Variants in PTGER3 observed in about 807,000 individuals in gnomAD.
PTGER3 encodes prostaglandin E receptor 3.
Under a neutral mutation model 34.7 loss-of-function variants are expected in PTGER3, and 22 were observed. The observed-to-expected ratio is 0.63, with a 90% CI of 0.45 to 0.91. The LOEUF (loss-of-function observed/expected upper bound fraction) is 0.91, where lower values mean the gene tolerates loss of function less well. Ranked by LOEUF, PTGER3 falls within the 40% of genes least tolerant of loss-of-function variation. The pLI, the probability that PTGER3 is intolerant of heterozygous loss-of-function variation, is 0.00. For synonymous variants in PTGER3, 241 were observed against 230.1 expected (o/e 1.05, Z -0.43); for missense variants, 468 against 519.4 (o/e 0.90, Z 0.96).
chr1:70,946,990 G>GA (rs1238876638), intron 4 of PTGER3, among the ~76,000 whole-genome samples: 1 of 152,068 alleles, frequency 6.6e-6, no homozygotes, highest in Non-Finnish European at 1.5e-5. Flanking sequence ...CGGTACATTA[G>GA]AAAAGGAATA....
At chr1:70,964,557 T>G (rs997000691) in intron 2 of PTGER3, among the ~76,000 whole-genome samples, 2 of 152,136 alleles carry the variant, frequency 1.3e-5, no homozygotes, top group Admixed American at 1.3e-4. Context: ...TCTTGTGAGA[T>G]GTATTCACTA....
chr1:71,007,787 T>C (rs1657099780), intron 2 of PTGER3: 1 of 985,160 alleles, frequency 1.0e-6, no homozygotes, highest in Non-Finnish European at 1.2e-6. Context: ...CCTAGACGTT[T>C]GGCTTACTTT....
At chr1:71,011,828 A>G in intron 2 of PTGER3, 1 of 999,424 alleles carries the variant, frequency 1.0e-6, no homozygotes, top group Non-Finnish European at 1.2e-6. Flanking sequence ...GTCTTTGAAT[A>G]AAAACAAACT....
At chr1:70,987,303 G>A (rs1481734270) in intron 2 of PTGER3, among the ~76,000 whole-genome samples, 1 of 152,170 alleles carries the variant, frequency 6.6e-6, no homozygotes, top group South Asian at 2.1e-4. Context: ...AATTAAGTCT[G>A]ACAAAACGTA....
At chr1:70,923,748 A>G (rs759947758) in intron 4 of PTGER3, among the ~76,000 whole-genome samples, 10 of 152,210 alleles carry the variant, frequency 6.6e-5, no homozygotes, top group Non-Finnish European at 1.0e-4. Flanking sequence ...GTATACTCCT[A>G]TGAACAAAAT....
intron 4 of PTGER3, among the ~76,000 whole-genome samples, chr1:70,915,459 C>T (rs386430925): frequency 1.6e-4 from 24 of 151,916 alleles, no homozygotes; most frequent in South Asian, 4.2e-4. Flanking sequence ...AAAGAAGAGA[C>T]GAGGTTGCAA....
intron 2 of PTGER3, among the ~76,000 whole-genome samples, chr1:70,981,355 CTT>C (rs750114186): frequency 2.3e-5 from 2 of 88,614 alleles, no homozygotes; most frequent in Non-Finnish European, 4.5e-5. Context: ...TTCTTTCTTT[CTT>C]TCTTTCTTTC....
At chr1:71,030,494 A>G (rs561980820) in intron 1 of PTGER3, among the ~76,000 whole-genome samples, 7 of 152,348 alleles carry the variant, frequency 4.6e-5, no homozygotes, top group Non-Finnish European at 8.8e-5. Context: ...AGTTTAGTGA[A>G]AAGAATAATA....
intron 4 of PTGER3, among the ~76,000 whole-genome samples, chr1:70,870,715 C>T (rs1646144563): frequency 6.6e-6 from 1 of 152,186 alleles, no homozygotes; most frequent in Admixed American, 6.5e-5. Flanking sequence ...GTTCAAACTT[C>T]CACAGATTCC....
At chr1:71,045,069 A>C (rs1244073791) in intron 1 of PTGER3, among the ~76,000 whole-genome samples, 1 of 152,186 alleles carries the variant, frequency 6.6e-6, no homozygotes, top group Non-Finnish European at 1.5e-5. Context: ...AGCCATAGTG[A>C]TGACATCAGC....
intron 1 of PTGER3, among the ~76,000 whole-genome samples, chr1:71,040,418 A>G (rs962547865): frequency 3.9e-5 from 6 of 151,956 alleles, no homozygotes; most frequent in Non-Finnish European, 7.4e-5. Flanking sequence ...ACTGCCCAAC[A>G]TGGTGAAATC....
intron 4 of PTGER3, among the ~76,000 whole-genome samples, chr1:70,911,786 T>A (rs1450729002): frequency 6.6e-6 from 1 of 152,160 alleles, no homozygotes; most frequent in East Asian, 1.9e-4. Context: ...AAAATTTTAT[T>A]TGTTTGTTTT....
intron 4 of PTGER3, among the ~76,000 whole-genome samples, chr1:70,915,309 A>G (rs990139906): frequency 1.3e-5 from 2 of 152,004 alleles, no homozygotes; most frequent in South Asian, 4.1e-4. Flanking sequence ...AATGTGTTAA[A>G]TTATCTATGC....
At chr1:70,985,974 T>C (rs1332866671) in intron 2 of PTGER3, among the ~76,000 whole-genome samples, 2 of 152,090 alleles carry the variant, frequency 1.3e-5, no homozygotes, top group Admixed American at 6.6e-5. Context: ...CAGGATGAGA[T>C]AGGAGATCAG....
At chr1:71,037,101 G>A (rs113561103) in intron 1 of PTGER3, among the ~76,000 whole-genome samples, 8 of 152,126 alleles carry the variant, frequency 5.3e-5, no homozygotes, top group African/African-American at 1.2e-4. Context: ...GGGGCCAAGC[G>A]TGTTCCATTA....
At chr1:70,971,883 T>G (rs1653122358) in intron 3 of PTGER3, 150 bp from the exon 4 acceptor site, 1 of 532,956 alleles carries the variant, frequency 1.9e-6, no homozygotes, top group Non-Finnish European at 3.2e-6. Flanking sequence ...TTACATGTGT[T>G]TTAGATTTAA....
chr1:70,905,962 A>G (rs1461639929), intron 4 of PTGER3, among the ~76,000 whole-genome samples: 1 of 152,092 alleles, frequency 6.6e-6, no homozygotes, highest in Non-Finnish European at 1.5e-5. Flanking sequence ...ACCTGGTGGG[A>G]GGTGATTGAA....
In PTGER3 at chr1:70,963,573, G is replaced by A. The variant is rs545258568; in HGVS notation, c.1078-9784C>T. ...GAAGCTGCCAAGGCCCAGGGCCTGC[G>A]CCCTCCGAAGCCACTGCCTGAACGG... On this transcript the variant is annotated intron_variant, in intron 2 of 3. Transcript: ENST00000356595. Among the ~76,000 whole-genome samples, 6 of 152,250 alleles carry A rather than the reference G, an allele frequency of 3.9e-5. No homozygotes were observed. In the South Asian group the frequency reaches 6.2e-4, roughly 16 times the overall value.
At chr1:70,939,977 A>G (rs1228784654) in intron 4 of PTGER3, among the ~76,000 whole-genome samples, 3 of 152,172 alleles carry the variant, frequency 2.0e-5, no homozygotes, top group Admixed American at 1.3e-4. Context: ...TTTCTATCAC[A>G]TAGTCAGGCT....
Sources: gnomAD v4.1 joint callset for allele counts (sites outside exome capture counted in the v4.1 genomes callset) on GRCh38, gnomAD v4.1.1 for gene constraint, MANE v1.5 for transcripts, NCBI Gene and HGNC (gene_info 2026-07-23, HGNC 2026-07-21) for gene names.